Variants in PKD1L3 observed in about 807,000 individuals in gnomAD.
PKD1L3 encodes the protein polycystin 1 like 3, transient receptor potential channel interacting, also known as polycystin-1-like protein 3.
Under a neutral mutation model 184.1 loss-of-function variants are expected in PKD1L3, and 239 were observed. That is an observed-to-expected ratio of 1.30 (90% confidence interval 1.17 to 1.45). The LOEUF is 1.45. PKD1L3 is among the 40% of genes most tolerant of loss of function. The probability of loss-of-function intolerance (pLI) is 0.00; values close to 1 mark genes in which losing one functional copy is unlikely to be tolerated. For missense variants in PKD1L3, 2,660 were observed against 2,067.2 expected, an observed-to-expected ratio of 1.29 and a Z score of -5.56; for synonymous variants, 996 against 778.8, an observed-to-expected ratio of 1.28 and a Z score of -4.64.
intron 2 of PKD1L3, among the ~76,000 whole-genome samples, chr16:71,995,528 A>G (rs1441406249): frequency 6.6e-6 from 1 of 152,102 alleles, no homozygotes; most frequent in Non-Finnish European, 1.5e-5. Flanking sequence ...GTATACAGGC[A>G]AATATATATG....
At chr16:71,952,802 C>T (rs1375469810) in intron 18 of PKD1L3, 92 bp downstream of exon 18, 2 of 1,329,624 alleles carry the variant, frequency 1.5e-6, no homozygotes, top group East Asian at 2.7e-5. Flanking sequence ...TGCACCACTA[C>T]ACTCCAGTCT....
rs1212097519 is a variant in PKD1L3, at chr16:71,954,295, C to A, written c.2619G>T (p.Leu873=). The A allele has an allele frequency of 2.1e-5, 32 of 1,533,028 alleles. No individual in the cohort carries two copies. Among genetic ancestry groups the A allele is most frequent in the Non-Finnish European group, 2.7e-5 (31 of 1,138,640 alleles). 95.0% of individuals were successfully genotyped at this position (1,533,028 alleles called of 1,614,324 possible). ...ACTTTTCCACAATCATGGAGGAAAA[C>A]AGATGTCTGAAAAGAGAAATCAGAA... ...SKRELFSFRH[L]FSSMIVEKFT... is the part of the protein sequence containing the mutation. The change falls in exon 17 of 30, where the codon CTG becomes CTT. Residue 873 remains leucine (L), a synonymous_variant. Coordinates refer to ENST00000620267, the MANE Select transcript of PKD1L3 (RefSeq NM_181536.2).
chr16:71,999,389 G>A (rs1391486461), intron 1 of PKD1L3, among the ~76,000 whole-genome samples: 1 of 152,084 alleles, frequency 6.6e-6, no homozygotes, highest in Non-Finnish European at 1.5e-5. Flanking sequence ...TGTTTATTAG[G>A]AAAAAAATGA....
Position 71,967,211 on chromosome 16 carries a change from G to A in PKD1L3, c.2391C>T (p.Leu797=), listed in dbSNP as rs9928413. Residue 797 remains leucine, a synonymous_variant, in exon 15 of 30, where the codon CTC becomes CTT. Transcript: ENST00000620267. Reference sequence around the variant, plus strand: ...GGTTCCCTAGAGAGGTCCAAGTGGTGAGAAGGAAGACATCCAGGCCCCCTC... The same window carrying A: ...GGTTCCCTAGAGAGGTCCAAGTGGTAAGAAGGAAGACATCCAGGCCCCCTC... The part of the protein sequence containing the change: ...FERGGLDVFL[L]TTWTSLGNLH... The A allele has an allele frequency of 0.26, 395,908 of 1,551,312 alleles. 53,193 individuals carry two copies. The highest frequency in any genetic ancestry group is 0.41 in the South Asian group (34,257 of 84,050).
In PKD1L3 at chr16:71,949,761, G is replaced by A. The variant is rs778995098; in HGVS notation, c.3618+22C>T. On this transcript the variant is annotated intron_variant, in intron 21 of 29. Coordinates refer to ENST00000620267, the MANE Select transcript of PKD1L3 (RefSeq NM_181536.2). ...TCCCCTAACTTCTGCAACTCCAATG[G>A]TTCTTCCCATCCCTCACATACCTTT... The A allele has an allele frequency of 1.9e-6, 3 of 1,540,270 alleles. No homozygotes were observed. The African/African-American group carries it at 4.1e-5, about 21-fold the overall frequency.
At chr16:71,956,184 A>ATTTTTTTTTTTTTTTTTTTTTTT (rs35268514) in intron 16 of PKD1L3, among the ~76,000 whole-genome samples, 1 of 82,758 alleles carries the variant, frequency 1.2e-5, no homozygotes, top group African/African-American at 5.4e-5. Flanking sequence ...AAAGGAAGGA[A>ATTTTTTTTTTTTTTTTTTTTTTT]TTTTTTTTTT....
intron 16 of PKD1L3, among the ~76,000 whole-genome samples, chr16:71,962,464 A>C (rs1217238662): frequency 6.6e-6 from 1 of 152,122 alleles, no homozygotes; most frequent in Non-Finnish European, 1.5e-5. Context: ...TCACCAGTAC[A>C]TTGCTTTAAT....
In PKD1L3 at chr16:72,000,099, C is replaced by A; in HGVS notation, c.-121G>T. ...CTTTTATGAATTGGGAACAATTTAC[C>A]AAGGATACAAAAGGTTTTGTTTTGA... is the stretch of plus-strand genomic sequence containing the variant. On this transcript the variant is annotated 5_prime_UTR_variant, in exon 1 of 30. Transcript: ENST00000620267. 1.2e-6 allele frequency: 1 copy of A among 866,954 alleles called. No homozygotes were observed. The highest frequency in any genetic ancestry group is 3.8e-4 in the Middle Eastern group (1 of 2,658). The allele number at this position is 866,954 out of a possible 1,614,324, so 53.7% of individuals were successfully genotyped here. A position where few individuals can be genotyped will look rare whatever the true frequency, so the allele number is the denominator to read the frequency against.
intron 6 of PKD1L3, 49 bp downstream of exon 6, chr16:71,983,987 G>C (rs373015507): frequency 6.5e-7 from 1 of 1,541,322 alleles, no homozygotes; most frequent in East Asian, 2.5e-5. Flanking sequence ...TCTGTTTTCC[G>C]CTTTTCCCTC....
intron 14 of PKD1L3, 136 bp downstream of exon 14, chr16:71,967,770 G>A: frequency 1.3e-6 from 1 of 764,278 alleles, no homozygotes; most frequent in East Asian, 2.8e-5. Context: ...CGGCCCACAT[G>A]TACAGTTTAG....
At chr16:71,944,295 G>T in intron 22 of PKD1L3, 125 bp from the exon 23 acceptor site, 2 of 918,522 alleles carry the variant, frequency 2.2e-6, no homozygotes, top group South Asian at 1.6e-5. Flanking sequence ...AACTACCTAT[G>T]CAGTGCTTCT....
At chr16:71,935,214 T>A in intron 26 of PKD1L3, 144 bp downstream of exon 26, 3 of 839,614 alleles carry the variant, frequency 3.6e-6, no homozygotes, top group Non-Finnish European at 5.4e-6. Context: ...TCTTCTCTGC[T>A]GTGGACATGA....
At chr16:71,983,999 C>A in intron 6 of PKD1L3, 37 bp downstream of exon 6, 2 of 1,549,002 alleles carry the variant, frequency 1.3e-6, no homozygotes, top group South Asian at 1.2e-5. Flanking sequence ...TTTTCCCTCT[C>A]TCCTACCTTC....
intron 2 of PKD1L3, among the ~76,000 whole-genome samples, chr16:71,995,293 T>C (rs1334876442): frequency 6.6e-6 from 1 of 152,178 alleles, no homozygotes; most frequent in Non-Finnish European, 1.5e-5. Context: ...CACGTCTTAA[T>C]GCGATCACAT....
intron 17 of PKD1L3, 56 bp downstream of exon 17, chr16:71,954,049 C>T: frequency 1.9e-5 from 21 of 1,124,764 alleles, no homozygotes; most frequent in Non-Finnish European, 2.5e-5. Flanking sequence ...GACCCTGTCT[C>T]AAAAAAAAAA....
In PKD1L3 at chr16:71,999,778, T is replaced by C; in HGVS notation, c.201A>G (p.Gln67=). 1 of 1,551,808 alleles carries C rather than the reference T, an allele frequency of 6.4e-7. No homozygotes were observed. The highest frequency in any genetic ancestry group is 8.7e-7 in the Non-Finnish European group (1 of 1,147,018). Reference sequence around the variant, plus strand: ...CTTCCAGATAGTCCCGGATGAGATCTTGAACTTCCTTGTTCCAAATATGAG... The same window carrying C: ...CTTCCAGATAGTCCCGGATGAGATCCTGAACTTCCTTGTTCCAAATATGAG... The part of the protein sequence containing the change: ...FLAHIWNKEV[Q]DLIRDYLEEG... Residue 67 remains glutamine (Q), a synonymous_variant, in exon 1 of 30, where the codon CAA becomes CAG. Transcript: ENST00000620267.
At chr16:71,964,069 T>G (rs976044138) in intron 15 of PKD1L3, among the ~76,000 whole-genome samples, 3 of 151,990 alleles carry the variant, frequency 2.0e-5, no homozygotes, top group Non-Finnish European at 2.9e-5. Flanking sequence ...ACAGGCCTCA[T>G]CTCCACTTCA....
intron 28 of PKD1L3, among the ~76,000 whole-genome samples, chr16:71,933,049 T>C (rs1407968640): frequency 1.3e-5 from 2 of 152,082 alleles, no homozygotes; most frequent in Non-Finnish European, 2.9e-5. Context: ...TCTTGGCCTC[T>C]CATGGCTTGA....
intron 4 of PKD1L3, among the ~76,000 whole-genome samples, chr16:71,987,203 G>A (rs1422127083): frequency 2.6e-5 from 4 of 151,590 alleles, no homozygotes; most frequent in South Asian, 2.1e-4. Flanking sequence ...GATTACAGGC[G>A]TGAGCCACTG....
Sources: allele counts gnomAD v4.1 joint callset (sites outside exome capture counted in the v4.1 genomes callset), GRCh38; gene constraint gnomAD v4.1.1; transcripts MANE v1.5; gene names NCBI Gene and HGNC (gene_info 2026-07-23, HGNC 2026-07-21).